The following SETD3 variants were observed in gnomAD, a reference collection of about 807,000 sequenced individuals.
SETD3 encodes actin-histidine N-methyltransferase.
Under a neutral mutation model 63.0 loss-of-function variants are expected in SETD3, and 19 were observed. That is an observed-to-expected ratio of 0.30 (90% CI 0.21 to 0.44). The LOEUF is 0.44. Ranked by LOEUF, SETD3 falls within the 20% of genes least tolerant of loss-of-function variation. The pLI is 1.00. For synonymous variants in SETD3, 286 were observed against 264.1 expected (o/e 1.08, Z -0.80); for missense variants, 587 against 728.5 (o/e 0.81, Z 2.24).
intron 6 of SETD3, among the ~76,000 whole-genome samples, chr14:99,447,344 T>A (rs1894194851): frequency 1.3e-5 from 2 of 152,182 alleles, no homozygotes; most frequent in South Asian, 4.1e-4. Context: ...TGAAGAACAC[T>A]AAATTCACAG....
At chr14:99,403,029 A>G (rs886931613) in intron 11 of SETD3, among the ~76,000 whole-genome samples, 3 of 152,216 alleles carry the variant, frequency 2.0e-5, no homozygotes, top group African/African-American at 7.2e-5. Flanking sequence ...CCATTACCCA[A>G]GTACAAAAAG....
At chr14:99,447,920 T>C (rs1191436945) in intron 6 of SETD3, among the ~76,000 whole-genome samples, 2 of 152,220 alleles carry the variant, frequency 1.3e-5, no homozygotes, top group Admixed American at 1.3e-4. Flanking sequence ...GCTCACAGGC[T>C]GGACTGACAG....
intron 6 of SETD3, among the ~76,000 whole-genome samples, chr14:99,432,535 TA>T (rs1220858674): frequency 1.3e-5 from 2 of 152,230 alleles, no homozygotes; most frequent in African/African-American, 4.8e-5. Context: ...ATGGTCCACA[TA>T]AAGCTCCCAT....
intron 2 of SETD3, 65 bp from the exon 3 acceptor site, chr14:99,463,643 A>G: frequency 7.6e-7 from 1 of 1,307,760 alleles, no homozygotes. Context: ...TAGTCTGCAC[A>G]AGAAAGAGGA....
In SETD3 at chr14:99,426,988, C is replaced by T. The variant is rs146176101; in HGVS notation, c.676-13054G>A. Among the ~76,000 whole-genome samples the T allele has an allele frequency of 1.7e-3, 262 of 152,236 alleles. 1 individual carries two copies. The highest frequency in any genetic ancestry group is 6.0e-3 in the African/African-American group (250 of 41,538). On this transcript the variant is annotated intron_variant, in intron 6 of 12. Coordinates refer to ENST00000331768, the MANE Select transcript of SETD3 (RefSeq NM_032233.3). The stretch of plus-strand genomic sequence containing the variant: ...CTGCAATCAGTAACTCAGGTGGGGA[C>T]GCAGGGAGAAGCAGGCGGTGATGTC...
intron 6 of SETD3, among the ~76,000 whole-genome samples, chr14:99,438,585 G>A (rs955174848): frequency 3.3e-5 from 5 of 152,122 alleles, no homozygotes; most frequent in African/African-American, 9.7e-5. Flanking sequence ...CTTATCTCCC[G>A]AACTCTTCAC....
rs761123160 is a variant in SETD3 at position 99,402,458 on chromosome 14, T to C, written c.1177+1767A>G. 2.8e-4 allele frequency among the ~76,000 whole-genome samples: 43 copies of C among 152,342 alleles called. No homozygotes were observed. In the Middle Eastern group the frequency reaches 0.014, roughly 48 times the overall value. ...GTTTGTTTTAGACAGGGTCTTGCTC[T>C]GTTGGCCAGGCTAGGGTGCAGTAGC... On this transcript the variant is annotated intron_variant, in intron 11 of 12. Coordinates refer to ENST00000331768, the MANE Select transcript of SETD3 (RefSeq NM_032233.3).
rs946009503 is a variant in SETD3, at chr14:99,405,169, C to T, written c.1091+36G>A. The T allele has an allele frequency of 1.9e-6, 3 of 1,594,994 alleles. No homozygotes were observed. In the African/African-American group the frequency reaches 4.1e-5, roughly 22 times the overall value. On this transcript the variant is annotated intron_variant, in intron 10 of 12. Transcript: ENST00000331768. ...TATGCAACTGGAAATAGTTCAAGTACTGCAAGAAAGGGCCAACCGATGTTT... is the reference window on the plus strand; with the variant it reads ...TATGCAACTGGAAATAGTTCAAGTATTGCAAGAAAGGGCCAACCGATGTTT...
rs553690373 is a variant in SETD3, at chr14:99,403,760, C to T, written c.1177+465G>A. ...TAACAGGATGCTTGGCATTAAAATG[C>T]TTGCTGGCAATTTCAGATTTAGAAT... On this transcript the variant is annotated intron_variant, in intron 11 of 12. Coordinates refer to ENST00000331768, the MANE Select transcript of SETD3 (RefSeq NM_032233.3). Among the ~76,000 whole-genome samples the T allele has an allele frequency of 5.3e-5, 8 of 152,270 alleles. No individual in the cohort carries two copies. In the East Asian group the frequency reaches 1.4e-3, roughly 26 times the overall value.
chr14:99,453,318 G>A lies in SETD3; in HGVS notation c.675+4961C>T, dbSNP rs34459201. 6.5e-3 allele frequency among the ~76,000 whole-genome samples: 995 copies of A among 152,268 alleles called. 6 individuals carry two copies. The highest frequency in any genetic ancestry group is 0.02 in the Middle Eastern group (6 of 294). ...TTTATTACTTAAGACTTTTAGAACC[G>A]ATGAGAACATTCTAAAACTAGAAAA... On this transcript the variant is annotated intron_variant, in intron 6 of 12. Coordinates refer to ENST00000331768, the MANE Select transcript of SETD3 (RefSeq NM_032233.3).
intron 6 of SETD3, among the ~76,000 whole-genome samples, chr14:99,456,168 A>G (rs1013932131): frequency 6.6e-6 from 1 of 152,204 alleles, no homozygotes; most frequent in Non-Finnish European, 1.5e-5. Context: ...AAAGGAAAAA[A>G]AAGTCTGATA....
intron 5 of SETD3, among the ~76,000 whole-genome samples, chr14:99,458,774 CAAAAA>C (rs5810953): frequency 4.5e-5 from 4 of 89,548 alleles, no homozygotes; most frequent in African/African-American, 1.8e-4. Context: ...CCCATCACTA[CAAAAA>C]AAAAAAAAAA....
At chr14:99,408,035 G>A (rs1891782910) in intron 8 of SETD3, among the ~76,000 whole-genome samples, 1 of 152,132 alleles carries the variant, frequency 6.6e-6, no homozygotes, top group Non-Finnish European at 1.5e-5. Flanking sequence ...ATTACTTTTT[G>A]ACCTACTCAT....
At chr14:99,464,490 G>A (rs758629645) in intron 2 of SETD3, among the ~76,000 whole-genome samples, 6 of 152,346 alleles carry the variant, frequency 3.9e-5, no homozygotes, top group East Asian at 1.9e-4. Context: ...CAGCGAGCCT[G>A]TCCTCAAGCT....
At position 99,400,146 on chromosome 14, in the gene SETD3, C is replaced by T. The variant is rs1366156630; in HGVS notation, c.1291G>A (p.Glu431Lys). Residue 431 changes from glutamate to lysine, a missense_variant, in exon 12 of 13, where the codon GAA (glutamate) becomes AAA (lysine). By Grantham distance (56) the Glu-to-Lys change is moderately conservative. Transcript: ENST00000331768. ...TTTAAAAGAAGTGAGGCTCTATCTT[C>T]AAGAAATGTCCAAAGTTTGACCTCG... ...DNEVKLWTFLEDRASLLLKTY... is the reference protein window; with the variant it reads ...DNEVKLWTFLKDRASLLLKTY... 6.2e-7 allele frequency: 1 copy of T among 1,614,094 alleles called. No individual in the cohort carries two copies. Among genetic ancestry groups the T allele is most frequent in the African/African-American group, 1.3e-5 (1 of 75,050 alleles).
At chr14:99,404,791 T>A in intron 10 of SETD3, among the ~76,000 whole-genome samples, 1 of 152,288 alleles carries the variant, frequency 6.6e-6, no homozygotes, top group African/African-American at 2.4e-5. Flanking sequence ...ATGCCTCAAA[T>A]GCAAGAAAAT....
upstream of SETD3, among the ~76,000 whole-genome samples, chr14:99,481,810 A>G (rs1896335822): frequency 6.6e-6 from 1 of 152,202 alleles, no homozygotes; most frequent in African/African-American, 2.4e-5. Flanking sequence ...GCACAGTCTC[A>G]CAGCCACAGA....
chr14:99,473,833 G>A (rs1895829280), intron 1 of SETD3, among the ~76,000 whole-genome samples: 1 of 152,174 alleles, frequency 6.6e-6, no homozygotes, highest in Non-Finnish European at 1.5e-5. Context: ...AACTGAAAAG[G>A]ATTTAATTGT....
chr14:99,405,435 G>C (rs1356636656), intron 9 of SETD3, 64 bp from the exon 10 acceptor site: 2 of 1,531,658 alleles, frequency 1.3e-6, no homozygotes, highest in African/African-American at 2.8e-5. Context: ...TCTTAACACA[G>C]GGCAGGGCAG....
Sources: gnomAD v4.1 joint callset for allele counts (sites outside exome capture counted in the v4.1 genomes callset) on GRCh38, gnomAD v4.1.1 for gene constraint, MANE v1.5 for transcripts, NCBI Gene and HGNC (gene_info 2026-07-23, HGNC 2026-07-21) for gene names.